TFPI: variants seen among roughly 807,000 people sequenced by gnomAD.
TFPI encodes tissue factor pathway inhibitor, also known as anti-convertin.
Under a neutral mutation model 34.6 loss-of-function variants are expected in TFPI, and 15 were observed. The ratio of observed to expected loss-of-function variants is 0.43; its 90% confidence interval spans 0.29 to 0.67. The LOEUF (loss-of-function observed/expected upper bound fraction) is 0.67. Ranked by LOEUF, TFPI falls within the 30% of genes least tolerant of loss-of-function variation. The pLI, the probability that TFPI is intolerant of heterozygous loss-of-function variation, is 0.15. For synonymous variants in TFPI, 105 were observed against 120.1 expected (o/e 0.87, Z 0.82); for missense variants, 301 against 364.0 (o/e 0.83, Z 1.41).
chr2:187,491,060 C>A (rs1685090283), intron 3 of TFPI, among the ~76,000 whole-genome samples: 1 of 151,832 alleles, frequency 6.6e-6, no homozygotes, highest in Non-Finnish European at 1.5e-5. Context: ...TCCTTTAATA[C>A]TAATTGTACT....
chr2:187,481,581 T>C (rs1397417613), intron 6 of TFPI, among the ~76,000 whole-genome samples: 1 of 151,396 alleles, frequency 6.6e-6, no homozygotes, highest in Non-Finnish European at 1.5e-5. Flanking sequence ...TATGCCATCC[T>C]TAATATCAAA....
At chr2:187,505,022 T>C (rs906610720) in intron 1 of TFPI, among the ~76,000 whole-genome samples, 14 of 152,080 alleles carry the variant, frequency 9.2e-5, no homozygotes, top group Admixed American at 2.6e-4. Flanking sequence ...TTGTAAATCA[T>C]ACCATAAACC....
At chr2:187,493,835 G>T (rs1685283906) in intron 3 of TFPI, among the ~76,000 whole-genome samples, 1 of 152,090 alleles carries the variant, frequency 6.6e-6, no homozygotes, top group South Asian at 2.1e-4. Context: ...ACCACCTCAG[G>T]CTGGACCTTA....
chr2:187,509,749 C>T (rs1217856468), intron 1 of TFPI, among the ~76,000 whole-genome samples: 3 of 152,136 alleles, frequency 2.0e-5, no homozygotes, highest in African/African-American at 4.8e-5. Flanking sequence ...ATAACCAGCT[C>T]CTGTACTCAT....
chr2:187,494,147 TACC>T (rs1041242137), intron 3 of TFPI, among the ~76,000 whole-genome samples: 9 of 152,244 alleles, frequency 5.9e-5, no homozygotes, highest in African/African-American at 2.2e-4. Context: ...ACCCATTCAC[TACC>T]ACGATAATAG....
At chr2:187,548,295 T>C (rs527599829) in intron 1 of TFPI, among the ~76,000 whole-genome samples, 1 of 152,116 alleles carries the variant, frequency 6.6e-6, no homozygotes, top group Non-Finnish European at 1.5e-5. Flanking sequence ...TTCCTCCCCA[T>C]GTGAAGTTTT....
rs758406955 is a variant in TFPI, at chr2:187,467,896, T to C, written c.665A>G (p.Asp222Gly). The C allele has an allele frequency of 3.7e-6, 6 of 1,606,196 alleles. No homozygotes were observed. The Admixed American group carries it at 6.9e-5, about 18-fold the overall frequency. ...CTCATTGGCACGACACAATCCTCTG[T>C]CTGCTGGAGTGAGACACCATGAGGG... ...HGPSWCLTPA[D>G]RGLCRANENR... Residue 222 changes from aspartate to glycine, a missense_variant, in exon 7 of 8, where the codon GAC becomes GGC. Physicochemically the swap from Asp to Gly is moderately conservative, Grantham distance 94. Coordinates refer to ENST00000233156, the MANE Select transcript of TFPI (RefSeq NM_006287.6).
intron 2 of TFPI, among the ~76,000 whole-genome samples, chr2:187,500,179 A>G (rs1188445886): frequency 2.0e-5 from 3 of 152,182 alleles, no homozygotes; most frequent in Non-Finnish European, 4.4e-5. Context: ...AACTCGCTGT[A>G]GTAGTTGTAC....
Position 187,465,704 on chromosome 2 carries a change from GTCATGAAGCTATTCATGAAGCTAT to G in TFPI, c.*1208_*1231del, listed in dbSNP as rs202090590. 1 of 151,918 alleles carries G rather than the reference GTCATGAAGCTATTCATGAAGCTAT, an allele frequency of 6.6e-6. No individual in the cohort carries two copies. Among genetic ancestry groups the G allele is most frequent in the African/African-American group, 2.4e-5 (1 of 41,382 alleles). 9.4% of individuals were successfully genotyped at this position (151,918 alleles called of 1,614,324 possible). On this transcript the variant is annotated 3_prime_UTR_variant, in exon 8 of 8. Transcript: ENST00000233156. Reference sequence around the variant, plus strand: ...ATTATACTATCATTGTTAGCGAGAAGTCATGAAGCTATTCATGAAGCTATTCATGAAGCTAGTCATGAAGCTAGT... The same window carrying G: ...ATTATACTATCATTGTTAGCGAGAAGTCATGAAGCTAGTCATGAAGCTAGT...
rs1405518881 is a variant in TFPI at position 187,489,914 on chromosome 2, C to A, written c.320-1539G>T. ...TTAGAAAAGATTTACAGCAAATTAT[C>A]AAGTTTTCTTAGATTTAGACAGGAC... On this transcript the variant is annotated intron_variant, in intron 3 of 7. Coordinates refer to ENST00000233156, the MANE Select transcript of TFPI (RefSeq NM_006287.6). 7.3e-5 allele frequency among the ~76,000 whole-genome samples: 11 copies of A among 151,612 alleles called. No individual in the cohort carries two copies. The East Asian group carries it at 1.7e-3, about 24-fold the overall frequency.
intron 1 of TFPI, chr2:187,526,744 C>G (rs769266745): frequency 2.6e-5 from 4 of 151,434 alleles, no homozygotes; most frequent in Non-Finnish European, 5.9e-5. Context: ...GAATTTTTTT[C>G]TTTTTTAAAG....
chr2:187,479,553 A>G (rs1339878879), intron 6 of TFPI, among the ~76,000 whole-genome samples: 1 of 67,816 alleles, frequency 1.5e-5, no homozygotes, highest in Non-Finnish European at 3.0e-5. Flanking sequence ...GTTCATATAT[A>G]TATATATATA....
intron 1 of TFPI, among the ~76,000 whole-genome samples, chr2:187,542,246 G>A (rs1688620202): frequency 6.6e-6 from 1 of 151,962 alleles, no homozygotes; most frequent in African/African-American, 2.4e-5. Flanking sequence ...ACTGTGGGCT[G>A]AATAAAAGAT....
chr2:187,516,975 G>A (rs181265071), intron 1 of TFPI: 3 of 152,294 alleles, frequency 2.0e-5, no homozygotes, highest in Admixed American at 6.5e-5. Flanking sequence ...CGGGGAGCTC[G>A]GCTTTTGAGA....
At chr2:187,499,894 A>G (rs1178879644) in intron 2 of TFPI, among the ~76,000 whole-genome samples, 2 of 152,174 alleles carry the variant, frequency 1.3e-5, no homozygotes, top group Non-Finnish European at 2.9e-5. Flanking sequence ...AAACTTGAAT[A>G]AAGATCTGTA....
intron 1 of TFPI, among the ~76,000 whole-genome samples, chr2:187,524,438 A>G (rs1033513207): frequency 3.3e-5 from 5 of 152,014 alleles, no homozygotes; most frequent in Non-Finnish European, 5.9e-5. Context: ...TTATATATTT[A>G]TGTGTGCTGT....
At chr2:187,528,617 A>G (rs996260576) in intron 1 of TFPI, among the ~76,000 whole-genome samples, 1 of 152,154 alleles carries the variant, frequency 6.6e-6, no homozygotes, top group Non-Finnish European at 1.5e-5. Context: ...TGTCCTTCTA[A>G]TTATAACAAT....
At chr2:187,480,648 A>G (rs961030928) in intron 6 of TFPI, among the ~76,000 whole-genome samples, 2 of 152,142 alleles carry the variant, frequency 1.3e-5, no homozygotes, top group African/African-American at 4.8e-5. Flanking sequence ...GCACACATTT[A>G]GGGAAATTGC....
chr2:187,484,458 T>C (rs1693110733), intron 5 of TFPI: 4 of 522,344 alleles, frequency 7.7e-6, no homozygotes, highest in Admixed American at 3.7e-5. Flanking sequence ...ATAAATGTTA[T>C]AGGCAGATAA....
Sources: gnomAD v4.1 joint callset for allele counts (sites outside exome capture counted in the v4.1 genomes callset) on GRCh38, gnomAD v4.1.1 for gene constraint, MANE v1.5 for transcripts, NCBI Gene and HGNC (gene_info 2026-07-23, HGNC 2026-07-21) for gene names.